The following GREM2 variants were observed in gnomAD, a reference collection of about 807,000 sequenced individuals.
The protein encoded by GREM2 is gremlin-2.
A neutral mutation model predicts 14.2 loss-of-function variants in GREM2; 11 were observed. That is an observed-to-expected ratio of 0.78 (90% confidence interval 0.49 to 1.28). GREM2 has a LOEUF of 1.28. Ranked by LOEUF, GREM2 falls within the 50% of genes most tolerant of loss-of-function variation. The pLI, the probability that GREM2 is intolerant of heterozygous loss-of-function variation, is 0.00. For missense variants in GREM2, 210 were observed against 218.5 expected (o/e 0.96, Z 0.24); for synonymous variants, 98 against 97.6 (o/e 1.00, Z -0.02).
In GREM2 at chr1:240,490,245, G is replaced by C. The variant is rs1054944623; in HGVS notation, c.*2724C>G. ...GAGAATACTCTGTCTTCAGCTGGCAGGGGATGTGGAAGAGGCTTGGAAGCT... is the reference window on the plus strand; with the variant it reads ...GAGAATACTCTGTCTTCAGCTGGCACGGGATGTGGAAGAGGCTTGGAAGCT... On this transcript the variant is annotated 3_prime_UTR_variant, in exon 2 of 2. Coordinates refer to ENST00000318160, the MANE Select transcript of GREM2 (RefSeq NM_022469.4). The C allele has an allele frequency of 6.6e-6, 1 of 152,368 alleles. No homozygotes were observed. Among genetic ancestry groups the C allele is most frequent in the East Asian group, 1.9e-4 (1 of 5,168 alleles). The allele number at this position is 152,368 out of a possible 1,614,324, so 9.4% of individuals were successfully genotyped here.
chr1:240,535,014 G>A (rs970260853), intron 1 of GREM2, among the ~76,000 whole-genome samples: 4 of 152,150 alleles, frequency 2.6e-5, no homozygotes, highest in African/African-American at 4.8e-5. Context: ...AGGTATATCT[G>A]AGTAGAGACA....
intron 1 of GREM2, among the ~76,000 whole-genome samples, chr1:240,576,936 A>AT (rs1177134972): frequency 1.3e-5 from 2 of 152,146 alleles, no homozygotes; most frequent in Admixed American, 1.3e-4. Flanking sequence ...ACTTGGGAAG[A>AT]TTTTTTATTT....
chr1:240,564,799 C>T, intron 1 of GREM2, among the ~76,000 whole-genome samples: 1 of 152,148 alleles, frequency 6.6e-6, no homozygotes, highest in East Asian at 1.9e-4. Flanking sequence ...CACAGTTTTC[C>T]TTGCATCAGG....
rs966646863 is a variant in GREM2 at position 240,543,396 on chromosome 1, C to T, written c.-1-49920G>A. 2.0e-5 allele frequency among the ~76,000 whole-genome samples: 3 copies of T among 152,160 alleles called. No individual in the cohort carries two copies. Among genetic ancestry groups the T allele is most frequent in the Admixed American group, 1.3e-4 (2 of 15,272 alleles). Reference sequence around the variant, plus strand: ...AGAAGACAAATGAGGAGCAAAATCACGTCTTACATGGTGGTAAGCAGGAGA... The same window carrying T: ...AGAAGACAAATGAGGAGCAAAATCATGTCTTACATGGTGGTAAGCAGGAGA... On this transcript the variant is annotated intron_variant, in intron 1 of 1. Transcript: ENST00000318160. This position sits in a 1 kb window ranked among gnomAD's most constrained non-coding sequence, Gnocchi z 6.4.
intron 1 of GREM2, among the ~76,000 whole-genome samples, chr1:240,598,813 C>T (rs1679866232): frequency 6.6e-6 from 1 of 152,144 alleles, no homozygotes; most frequent in African/African-American, 2.4e-5. Context: ...CAAATGTCTG[C>T]TTGTCTCTCC....
intron 1 of GREM2, among the ~76,000 whole-genome samples, chr1:240,562,963 TGTGTGTATGTGTGTATATGTAA>T (rs1165973524): frequency 2.9e-4 from 41 of 142,598 alleles, no homozygotes; most frequent in East Asian, 8.1e-4. Flanking sequence ...TGTGTGTGAG[TGTGTGTATGTGTGTATATGTAA>T]GTGTGTATGT....
At chr1:240,554,390 G>A (rs998510937) in intron 1 of GREM2, among the ~76,000 whole-genome samples, 5 of 148,226 alleles carry the variant, frequency 3.4e-5, no homozygotes, top group Non-Finnish European at 7.4e-5. Flanking sequence ...CAGCCTGGGT[G>A]ACAAGAAAGA....
At chr1:240,512,017 G>T (rs1221633607) in intron 1 of GREM2, among the ~76,000 whole-genome samples, 1 of 152,172 alleles carries the variant, frequency 6.6e-6, no homozygotes, top group Non-Finnish European at 1.5e-5. Context: ...GCAGGGAAAA[G>T]AACATGTGCT....
At chr1:240,581,385 A>G (rs1679482208) in intron 1 of GREM2, among the ~76,000 whole-genome samples, 1 of 152,122 alleles carries the variant, frequency 6.6e-6, no homozygotes, top group South Asian at 2.1e-4. Context: ...AAAATCAACT[A>G]CTGGTACTCA....
rs572676311 is a variant in GREM2, at chr1:240,513,268, C to A, written c.-1-19792G>T. 3.3e-5 allele frequency among the ~76,000 whole-genome samples: 5 copies of A among 152,240 alleles called. No individual in the cohort carries two copies. In the South Asian group the frequency reaches 1.0e-3, roughly 32 times the overall value. ...GAGAATGAACTGGGATGAGGACAAA[C>A]TCTTCAGGTTCTTAGAAGAGAAAGG... On this transcript the variant is annotated intron_variant, in intron 1 of 1. Transcript: ENST00000318160.
chr1:240,591,400 TA>T (rs946149153), intron 1 of GREM2, among the ~76,000 whole-genome samples: 1 of 152,176 alleles, frequency 6.6e-6, no homozygotes, highest in Admixed American at 6.6e-5. Context: ...GAAAAGAGGT[TA>T]CGTAGCTTAG....
At chr1:240,578,740 C>T (rs1204842763) in intron 1 of GREM2, among the ~76,000 whole-genome samples, 5 of 151,680 alleles carry the variant, frequency 3.3e-5, no homozygotes, top group South Asian at 2.1e-4. Context: ...GCCAAGATCA[C>T]GCCACTGTAC....
chr1:240,506,956 GA>G (rs2103284384), intron 1 of GREM2, among the ~76,000 whole-genome samples: 1 of 152,322 alleles, frequency 6.6e-6, no homozygotes, highest in East Asian at 1.9e-4. Context: ...GGGATTGAGT[GA>G]CACAACAATG....
chr1:240,590,155 G>A (rs1446278570), intron 1 of GREM2, among the ~76,000 whole-genome samples: 1 of 152,196 alleles, frequency 6.6e-6, no homozygotes, highest in African/African-American at 2.4e-5. Context: ...ACATTTATCT[G>A]AAGATGCACT....
intron 1 of GREM2, among the ~76,000 whole-genome samples, chr1:240,574,422 T>C (rs1487955160): frequency 6.6e-6 from 1 of 152,152 alleles, no homozygotes; most frequent in East Asian, 1.9e-4. Context: ...CACCTATTTA[T>C]TTATGTGATG....
chr1:240,510,332 T>C (rs1018946614), intron 1 of GREM2, among the ~76,000 whole-genome samples: 1 of 116,700 alleles, frequency 8.6e-6, no homozygotes, highest in South Asian at 3.0e-4. Context: ...ATCGCGCCAC[T>C]GCACTCCAGC....
At chr1:240,552,986 C>T (rs1332403797) in intron 1 of GREM2, among the ~76,000 whole-genome samples, 4 of 152,062 alleles carry the variant, frequency 2.6e-5, no homozygotes, top group Non-Finnish European at 5.9e-5. Flanking sequence ...GCCTGAAGTA[C>T]CAGGAAAATA....
At chr1:240,600,437 C>T (rs994380929) in intron 1 of GREM2, among the ~76,000 whole-genome samples, 1 of 152,078 alleles carries the variant, frequency 6.6e-6, no homozygotes, top group Non-Finnish European at 1.5e-5. Flanking sequence ...CATGTCTTTA[C>T]CAGTTCTATC....
chr1:240,529,863 A>G (rs1678313964), intron 1 of GREM2, among the ~76,000 whole-genome samples: 2 of 152,300 alleles, frequency 1.3e-5, no homozygotes, highest in Middle Eastern at 3.4e-3. Flanking sequence ...CTGCTTGAAT[A>G]AGAATGACTT....
Sources: gnomAD v4.1 joint callset for allele counts (sites outside exome capture counted in the v4.1 genomes callset) on GRCh38, gnomAD v4.1.1 for gene constraint, Gnocchi (gnomAD v3.1) non-coding constraint, MANE v1.5 for transcripts, NCBI Gene and HGNC (gene_info 2026-07-23, HGNC 2026-07-21) for gene names.